The following FAF1 variants were observed in gnomAD, a reference collection of about 807,000 sequenced individuals.
The protein encoded by FAF1 is FAS-associated factor 1.
A neutral mutation model predicts 92.5 loss-of-function variants in FAF1; 25 were observed. The observed-to-expected ratio is 0.27, with a 90% CI of 0.20 to 0.38. The LOEUF (loss-of-function observed/expected upper bound fraction) is 0.38. Ranked by LOEUF, FAF1 falls within the 10% of genes least tolerant of loss-of-function variation. FAF1 has a pLI of 1.00. For missense variants in FAF1, 636 were observed against 793.3 expected (o/e 0.80, Z 2.38); for synonymous variants, 234 against 273.2 (o/e 0.86, Z 1.42).
chr1:50,512,311 G>A (rs567579882), intron 15 of FAF1, among the ~76,000 whole-genome samples: 1 of 152,230 alleles, frequency 6.6e-6, no homozygotes, highest in South Asian at 2.1e-4. Context: ...TGAAGTCTTT[G>A]CCCATGCCTA....
Position 50,850,071 on chromosome 1 carries a change from G to T in FAF1, c.114+7858C>A, listed in dbSNP as rs142246777. Among the ~76,000 whole-genome samples the T allele has an allele frequency of 4.4e-3, 668 of 151,908 alleles. 8 individuals carry two copies. The highest frequency in any genetic ancestry group is 0.015 in the African/African-American group (604 of 41,430). On this transcript the variant is annotated intron_variant, in intron 2 of 18. Coordinates refer to ENST00000396153, the MANE Select transcript of FAF1 (RefSeq NM_007051.3). ...AAGGAATAAAAGGGATAAAACTTCG[G>T]GTCAGCTTTAAAGGAAAGATGAAAT...
intron 16 of FAF1, among the ~76,000 whole-genome samples, chr1:50,491,234 A>G (rs907456417): frequency 4.6e-5 from 7 of 152,176 alleles, no homozygotes; most frequent in Admixed American, 2.0e-4. Flanking sequence ...TGCTTCCCTT[A>G]GGACATTTAG....
chr1:50,482,419 G>A (rs1032661602), intron 17 of FAF1, among the ~76,000 whole-genome samples: 3 of 152,146 alleles, frequency 2.0e-5, no homozygotes, highest in Non-Finnish European at 4.4e-5. Flanking sequence ...TACAAATAAA[G>A]CTGCCAAAAA....
At chr1:50,495,197 A>C (rs1333428356) in intron 15 of FAF1, among the ~76,000 whole-genome samples, 1 of 152,126 alleles carries the variant, frequency 6.6e-6, no homozygotes, top group African/African-American at 2.4e-5. Context: ...ATCAAAGGCC[A>C]GTGTTATTCA....
intron 17 of FAF1, 149 bp downstream of exon 17, chr1:50,490,438 AG>A (rs1646820199): frequency 8.9e-6 from 5 of 560,306 alleles, no homozygotes; most frequent in Non-Finnish European, 1.6e-5. Flanking sequence ...GAAGGAAGGA[AG>A]GAAGGAAGGA....
At chr1:50,582,462 G>C (rs1651034654) in intron 12 of FAF1, 156 bp downstream of exon 12, 1 of 577,870 alleles carries the variant, frequency 1.7e-6, no homozygotes, top group African/African-American at 1.8e-5. Context: ...TGATTAGCAT[G>C]GCCCATGCAC....
Position 50,799,894 on chromosome 1 carries a change from T to C in FAF1, c.161+1737A>G, listed in dbSNP as rs569231204. ...AAAGTACACAAAGAGCCCTCTTTTG[T>C]TTTCCTCTGGTCAGTAGACATACAA... On this transcript the variant is annotated intron_variant, in intron 3 of 18. Coordinates refer to ENST00000396153, the MANE Select transcript of FAF1 (RefSeq NM_007051.3). 5.3e-5 allele frequency among the ~76,000 whole-genome samples: 8 copies of C among 152,326 alleles called. No individual in the cohort carries two copies. The South Asian group carries it at 1.2e-3, about 24-fold the overall frequency.
At chr1:50,745,023 C>T (rs1470680461) in intron 4 of FAF1, among the ~76,000 whole-genome samples, 1 of 152,144 alleles carries the variant, frequency 6.6e-6, no homozygotes, top group Non-Finnish European at 1.5e-5. Flanking sequence ...TGTGGTTGCT[C>T]ATGCCTGTAA....
At chr1:50,618,881 T>C (rs2124168785) in intron 8 of FAF1, among the ~76,000 whole-genome samples, 1 of 152,154 alleles carries the variant, frequency 6.6e-6, no homozygotes, top group Admixed American at 6.5e-5. Context: ...CCTGGGTAGC[T>C]GGGATTACAG....
chr1:50,748,875 T>A (rs1051843965), intron 4 of FAF1, among the ~76,000 whole-genome samples: 12 of 152,182 alleles, frequency 7.9e-5, no homozygotes, highest in African/African-American at 2.9e-4. Flanking sequence ...GGGGAGAACT[T>A]AAGATACACA....
Position 50,909,750 on chromosome 1 carries a change from G to A in FAF1, c.45+50017C>T, listed in dbSNP as rs141233424. Among the ~76,000 whole-genome samples, 1,208 of 152,208 alleles carry A rather than the reference G, an allele frequency of 7.9e-3. 13 individuals are homozygous for A. Among genetic ancestry groups the A allele is most frequent in the African/African-American group, 0.027 (1,142 of 41,530 alleles). Reference sequence around the variant, plus strand: ...TCAGGTCATTTAAGGTCTTCTCTACGCTGTTTATTCTGGTTAGCCATTCGT... The same window carrying A: ...TCAGGTCATTTAAGGTCTTCTCTACACTGTTTATTCTGGTTAGCCATTCGT... On this transcript the variant is annotated intron_variant, in intron 1 of 18. Transcript: ENST00000396153.
intron 1 of FAF1, among the ~76,000 whole-genome samples, chr1:50,888,685 G>T (rs1048545032): frequency 6.6e-6 from 1 of 152,108 alleles, no homozygotes; most frequent in Non-Finnish European, 1.5e-5. Context: ...TGCGTATGTC[G>T]AACGAGCCTT....
chr1:50,618,743 C>T (rs1303868095), intron 8 of FAF1, among the ~76,000 whole-genome samples: 1 of 151,054 alleles, frequency 6.6e-6, no homozygotes, highest in Non-Finnish European at 1.5e-5. Context: ...ATAAGAATAG[C>T]AAAGCTTGCT....
At chr1:50,600,091 G>A (rs1652025472) in intron 8 of FAF1, among the ~76,000 whole-genome samples, 1 of 152,112 alleles carries the variant, frequency 6.6e-6, no homozygotes, top group Admixed American at 6.5e-5. Context: ...AATGAAGTGA[G>A]ACTACTACTT....
chr1:50,735,179 A>G (rs933501250), intron 6 of FAF1, among the ~76,000 whole-genome samples: 1 of 152,228 alleles, frequency 6.6e-6, no homozygotes, highest in African/African-American at 2.4e-5. Flanking sequence ...TGATGAACTG[A>G]ATCTTTCCTG....
intron 15 of FAF1, among the ~76,000 whole-genome samples, chr1:50,524,736 T>C (rs951573063): frequency 1.3e-5 from 2 of 152,156 alleles, no homozygotes; most frequent in Admixed American, 1.3e-4. Context: ...TCTGTTCCAT[T>C]GGTCTATGTG....
At chr1:50,635,324 G>A (rs1055859758) in intron 8 of FAF1, among the ~76,000 whole-genome samples, 7 of 152,106 alleles carry the variant, frequency 4.6e-5, no homozygotes, top group African/African-American at 1.7e-4. Flanking sequence ...TGAAGACAAA[G>A]AAAAACTCAG....
intron 4 of FAF1, among the ~76,000 whole-genome samples, chr1:50,747,723 C>A (rs1659684946): frequency 6.6e-6 from 1 of 152,088 alleles, no homozygotes; most frequent in South Asian, 2.1e-4. Flanking sequence ...GATTTGCATC[C>A]CCAATCATGT....
rs34801737 is a variant in FAF1, at chr1:50,894,304, T to TAA, written c.46-36309_46-36308dup. On this transcript the variant is annotated intron_variant, in intron 1 of 18. Coordinates refer to ENST00000396153, the MANE Select transcript of FAF1 (RefSeq NM_007051.3). Reference sequence around the variant, plus strand: ...AGACAGAGAGACTCTGTCTCAAAATTAAAAAAAAAAAAAAAAAAAAAAAAA... The same window carrying TAA: ...AGACAGAGAGACTCTGTCTCAAAATTAAAAAAAAAAAAAAAAAAAAAAAAAAA... 8.0e-3 allele frequency among the ~76,000 whole-genome samples: 501 copies of TAA among 62,994 alleles called. 5 individuals are homozygous for TAA. Among genetic ancestry groups the TAA allele is most frequent in the Non-Finnish European group, 0.013 (412 of 30,550 alleles). The allele number at this position is 62,994 out of a possible 152,430, so 41.3% of individuals were successfully genotyped here.
Sources: allele counts gnomAD v4.1 joint callset (sites outside exome capture counted in the v4.1 genomes callset), GRCh38; gene constraint gnomAD v4.1.1; transcripts MANE v1.5; gene names NCBI Gene and HGNC (gene_info 2026-07-23, HGNC 2026-07-21).